The following RBPJ variants were observed in gnomAD, a reference collection of about 807,000 sequenced individuals.
The protein encoded by RBPJ is recombination signal binding protein for immunoglobulin kappa J region.
A neutral mutation model predicts 67.8 loss-of-function variants in RBPJ; 9 were observed. The ratio of observed to expected loss-of-function variants is 0.13; its 90% CI spans 0.08 to 0.23. RBPJ has a LOEUF of 0.23. RBPJ is among the 10% of genes least tolerant of loss of function. RBPJ has a pLI of 1.00. For synonymous variants in RBPJ, 198 were observed against 203.3 expected (o/e 0.97, Z 0.22); for missense variants, 305 against 595.6 (o/e 0.51, Z 5.08).
chr4:26,426,443 A>G (rs1293678301), intron 7 of RBPJ, among the ~76,000 whole-genome samples: 2 of 152,336 alleles, frequency 1.3e-5, no homozygotes, highest in East Asian at 3.9e-4. Context: ...AAATGTTGCA[A>G]TGAAAAATTA....
intron 1 of RBPJ, among the ~76,000 whole-genome samples, chr4:26,214,042 T>A (rs1718527227): frequency 6.6e-6 from 1 of 151,816 alleles, no homozygotes; most frequent in Non-Finnish European, 1.5e-5. Context: ...CCCAGCATTC[T>A]GGGAAGCCGA....
intron 1 of RBPJ, among the ~76,000 whole-genome samples, chr4:26,241,340 T>C (rs1379653345): frequency 1.3e-5 from 2 of 152,158 alleles, no homozygotes; most frequent in Non-Finnish European, 2.9e-5. Context: ...CATTGGAGAC[T>C]TAAGCAGAAG....
intron 4 of RBPJ, among the ~76,000 whole-genome samples, chr4:26,418,720 C>G (rs975269300): frequency 6.6e-6 from 1 of 152,126 alleles, no homozygotes; most frequent in Non-Finnish European, 1.5e-5. Flanking sequence ...ATGTAATTAC[C>G]TTCATTTAGA....
At chr4:26,416,604 A>T (rs932948518) in intron 4 of RBPJ, among the ~76,000 whole-genome samples, 3 of 152,190 alleles carry the variant, frequency 2.0e-5, no homozygotes, top group Non-Finnish European at 4.4e-5. Flanking sequence ...TTTCCTTGCT[A>T]CTGTACTTTG....
At chr4:26,352,706 C>T (rs1285848824) in intron 1 of RBPJ, among the ~76,000 whole-genome samples, 2 of 152,180 alleles carry the variant, frequency 1.3e-5, no homozygotes, top group African/African-American at 2.4e-5. Flanking sequence ...CTGTCTCAAA[C>T]AACAACAACA....
At chr4:26,282,775 C>T (rs910502032) in intron 1 of RBPJ, among the ~76,000 whole-genome samples, 3 of 152,020 alleles carry the variant, frequency 2.0e-5, no homozygotes, top group Admixed American at 1.3e-4. Context: ...CCCACCTTGG[C>T]CTCCCAAAGT....
At chr4:26,398,810 C>T (rs1364236802) in intron 2 of RBPJ, among the ~76,000 whole-genome samples, 2 of 152,036 alleles carry the variant, frequency 1.3e-5, no homozygotes, top group African/African-American at 4.8e-5. Flanking sequence ...GATGGGGTTT[C>T]TCTATGTTGG....
At chr4:26,269,223 A>G (rs1268362180) in intron 1 of RBPJ, among the ~76,000 whole-genome samples, 2 of 149,982 alleles carry the variant, frequency 1.3e-5, no homozygotes, top group African/African-American at 4.9e-5. Flanking sequence ...TTATTTATTT[A>G]TTTAATTTAT....
At chr4:26,157,682 T>C in the RBPJ span, among the ~76,000 whole-genome samples, 133 of 152,318 alleles carry the variant, frequency 8.7e-4, no homozygotes, top group Non-Finnish European at 1.4e-3. Context: ...TAGGATGGTT[T>C]ATTTCTCAAC....
At chr4:26,210,700 T>TTTCCTTCTTTCTTTCTTTCCTTCTTTCC (rs1553849153) in intron 1 of RBPJ, among the ~76,000 whole-genome samples, 2 of 59,850 alleles carry the variant, frequency 3.3e-5, no homozygotes, top group Non-Finnish European at 7.0e-5. Flanking sequence ...TCTTTCTTTC[T>TTTCCTTCTTTCTTTCTTTCCTTCTTTCC]TTCTTTCCTT....
chr4:26,242,371 C>T (rs911900836), intron 1 of RBPJ, among the ~76,000 whole-genome samples: 3 of 150,778 alleles, frequency 2.0e-5, no homozygotes, highest in East Asian at 2.0e-4. Flanking sequence ...GGCGTGAACC[C>T]GAGAGGTGGA....
chr4:26,156,753 C>A, the RBPJ span, among the ~76,000 whole-genome samples: 1 of 152,088 alleles, frequency 6.6e-6, no homozygotes, highest in Non-Finnish European at 1.5e-5. Flanking sequence ...CCATGCCCAG[C>A]ATAGGTTATA....
intron 1 of RBPJ, among the ~76,000 whole-genome samples, chr4:26,188,274 C>G (rs1211539544): frequency 6.6e-6 from 1 of 152,070 alleles, no homozygotes; most frequent in Non-Finnish European, 1.5e-5. Context: ...TTTCTTAAAG[C>G]ACTGACAAAC....
intron 1 of RBPJ, among the ~76,000 whole-genome samples, chr4:26,312,761 T>A (rs556397631): frequency 1.4e-4 from 22 of 152,256 alleles, no homozygotes; most frequent in Non-Finnish European, 2.5e-4. Flanking sequence ...AGACAGGGAG[T>A]CCTTAGAGGC....
At chr4:26,299,740 G>A (rs564662019) in intron 1 of RBPJ, among the ~76,000 whole-genome samples, 2 of 142,012 alleles carry the variant, frequency 1.4e-5, no homozygotes, top group South Asian at 2.2e-4. Context: ...GTGAAATGGC[G>A]AGATCCTGGC....
intron 1 of RBPJ, among the ~76,000 whole-genome samples, chr4:26,334,662 C>T (rs1724623045): frequency 1.3e-5 from 2 of 152,152 alleles, no homozygotes; most frequent in Admixed American, 1.3e-4. Context: ...TTTATTTTCC[C>T]TTATGCTTAC....
rs768859401 is a variant in RBPJ at position 26,431,040 on chromosome 4, T to C, written c.*33T>C. 30 of 1,567,856 alleles carry C rather than the reference T, an allele frequency of 1.9e-5. No individual in the cohort carries two copies. The highest frequency in any genetic ancestry group is 2.5e-5 in the Non-Finnish European group (29 of 1,146,450). ...CTTTTTGCTAGGACTTAAACTGACT[T>C]GAGTGTGGCAAAAAGTTAACAAAAA... On this transcript the variant is annotated 3_prime_UTR_variant, in exon 11 of 11. Transcript: ENST00000355476.
intron 1 of RBPJ, among the ~76,000 whole-genome samples, chr4:26,233,137 T>G (rs1383399504): frequency 6.6e-6 from 1 of 152,238 alleles, no homozygotes; most frequent in Non-Finnish European, 1.5e-5. Flanking sequence ...GATTAAGATT[T>G]GGGATAGTTG....
chr4:26,174,593 C>G (rs1403748706), intron 1 of RBPJ, among the ~76,000 whole-genome samples: 1 of 152,174 alleles, frequency 6.6e-6, no homozygotes, highest in Non-Finnish European at 1.5e-5. Flanking sequence ...CCTCAGCCTC[C>G]TGAGTAGCTG....
Sources: allele counts gnomAD v4.1 joint callset (sites outside exome capture counted in the v4.1 genomes callset), GRCh38; gene constraint gnomAD v4.1.1; transcripts MANE v1.5; gene names NCBI Gene and HGNC (gene_info 2026-07-23, HGNC 2026-07-21).